Variants in DOK6 observed in about 807,000 individuals in gnomAD.
The protein encoded by DOK6 is downstream of tyrosine kinase 6.
In DOK6, 22 loss-of-function variants were observed where a neutral mutation model predicts 44.0. The observed-to-expected ratio is 0.50, with a 90% CI of 0.36 to 0.71. DOK6 has a LOEUF of 0.71. Among genes scored for constraint, DOK6 ranks in the 30% least tolerant of loss-of-function variants. The pLI is 0.00. For missense variants in DOK6, 340 were observed against 416.4 expected (o/e 0.82, Z 1.60); for synonymous variants, 166 against 145.5 (o/e 1.14, Z -1.01).
chr18:69,417,144 A>G (rs76730321), intron 1 of DOK6, among the ~76,000 whole-genome samples: 2,504 of 152,144 alleles, frequency 0.016, 65 homozygotes, highest in African/African-American at 0.057. Flanking sequence ...TACTATAGTC[A>G]CCCTATTGAA....
At chr18:69,729,695 C>G (rs994383252) in intron 5 of DOK6, among the ~76,000 whole-genome samples, 2 of 152,104 alleles carry the variant, frequency 1.3e-5, no homozygotes, top group African/African-American at 4.8e-5. Context: ...AAAAATACAC[C>G]CGCCAAGGGA....
intron 1 of DOK6, among the ~76,000 whole-genome samples, chr18:69,455,878 C>G (rs1979621092): frequency 6.6e-6 from 1 of 152,078 alleles, no homozygotes; most frequent in Non-Finnish European, 1.5e-5. Context: ...CAAATAATGA[C>G]AACATTAATC....
At chr18:69,555,227 T>C (rs1040776362) in intron 1 of DOK6, among the ~76,000 whole-genome samples, 1 of 152,218 alleles carries the variant, frequency 6.6e-6, no homozygotes, top group Non-Finnish European at 1.5e-5. Flanking sequence ...CAAAAAGCTT[T>C]AATTACTGGA....
At chr18:69,813,010 A>C (rs1981288385) in intron 7 of DOK6, among the ~76,000 whole-genome samples, 1 of 152,158 alleles carries the variant, frequency 6.6e-6, no homozygotes, top group African/African-American at 2.4e-5. Context: ...CACATAAAAA[A>C]ATAAATTGCA....
In DOK6 at chr18:69,433,296, T is replaced by A. The variant is rs558616899; in HGVS notation, c.66+31986T>A. ...AGCAAGTTTCAATTTTCTTCCTGAA[T>A]TTTTTTTCTGAGAACCAATGTAATA... On this transcript the variant is annotated intron_variant, in intron 1 of 7. Coordinates refer to ENST00000382713, the MANE Select transcript of DOK6 (RefSeq NM_152721.6). Among the ~76,000 whole-genome samples the A allele has an allele frequency of 1.1e-3, 172 of 152,218 alleles. 1 individual carries two copies. Among genetic ancestry groups the A allele is most frequent in the Admixed American group, 2.9e-3 (45 of 15,296 alleles).
intron 7 of DOK6, among the ~76,000 whole-genome samples, chr18:69,824,858 T>C (rs35124952): frequency 0.26 from 39,712 of 151,830 alleles, 5,168 homozygotes; most frequent in Non-Finnish European, 0.27. Flanking sequence ...CTGAGAGGAG[T>C]CATATCCAGG....
intron 7 of DOK6, among the ~76,000 whole-genome samples, chr18:69,792,535 G>A (rs1441646760): frequency 1.3e-5 from 2 of 151,804 alleles, no homozygotes; most frequent in African/African-American, 4.8e-5. Flanking sequence ...TGTTGATTTT[G>A]TATCCTGCAA....
chr18:69,699,481 C>A (rs11662685), intron 5 of DOK6, among the ~76,000 whole-genome samples: 67,749 of 151,242 alleles, frequency 0.45, 15,571 homozygotes, highest in East Asian at 0.73. Flanking sequence ...AGGGAAAAAA[C>A]AAACAAAAAA....
chr18:69,730,241 C>T (rs1307304202), intron 5 of DOK6, among the ~76,000 whole-genome samples: 2 of 152,208 alleles, frequency 1.3e-5, no homozygotes, highest in Non-Finnish European at 2.9e-5. Context: ...GACTGAGTTG[C>T]CAGCCTCTAT....
intron 5 of DOK6, among the ~76,000 whole-genome samples, chr18:69,703,770 T>A (rs1986572880): frequency 6.6e-6 from 1 of 152,192 alleles, no homozygotes; most frequent in Non-Finnish European, 1.5e-5. Context: ...TGGACTCAAT[T>A]GTTTCTCCCC....
intron 7 of DOK6, among the ~76,000 whole-genome samples, chr18:69,792,104 G>A (rs936456321): frequency 3.3e-5 from 5 of 151,960 alleles, no homozygotes; most frequent in African/African-American, 1.2e-4. Flanking sequence ...CTCTCCCATT[G>A]GTCTATGTGT....
At chr18:69,773,268 T>C (rs1331671912) in intron 7 of DOK6, among the ~76,000 whole-genome samples, 1 of 151,974 alleles carries the variant, frequency 6.6e-6, no homozygotes, top group Non-Finnish European at 1.5e-5. Context: ...ACAGCTGCCA[T>C]GGAAAACAGT....
At chr18:69,739,882 C>A (rs1290315669) in intron 6 of DOK6, among the ~76,000 whole-genome samples, 1 of 152,096 alleles carries the variant, frequency 6.6e-6, no homozygotes, top group East Asian at 1.9e-4. Flanking sequence ...TGTGAAACAT[C>A]AGTAAGTCTA....
chr18:69,482,755 A>G (rs1348314719), intron 1 of DOK6, among the ~76,000 whole-genome samples: 1 of 151,940 alleles, frequency 6.6e-6, no homozygotes, highest in Non-Finnish European at 1.5e-5. Context: ...AAATTATTCT[A>G]TAAAATAAGA....
intron 1 of DOK6, among the ~76,000 whole-genome samples, chr18:69,478,325 C>T (rs60389289): frequency 0.065 from 9,913 of 152,138 alleles, 1,008 homozygotes; most frequent in African/African-American, 0.22. Context: ...TTTTCTTGTA[C>T]GTTGAACATA....
intron 3 of DOK6, among the ~76,000 whole-genome samples, chr18:69,648,906 A>G (rs1183820545): frequency 6.6e-6 from 1 of 152,220 alleles, no homozygotes; most frequent in African/African-American, 2.4e-5. Context: ...ACATCTATAA[A>G]TTAAGAGCAA....
At chr18:69,648,222 A>T (rs1985134503) in intron 3 of DOK6, among the ~76,000 whole-genome samples, 1 of 152,200 alleles carries the variant, frequency 6.6e-6, no homozygotes, top group African/African-American at 2.4e-5. Context: ...TGTTGAAGAA[A>T]ATATTAAAAA....
At chr18:69,726,139 C>T (rs1242630158) in intron 5 of DOK6, among the ~76,000 whole-genome samples, 1 of 152,174 alleles carries the variant, frequency 6.6e-6, no homozygotes, top group African/African-American at 2.4e-5. Context: ...GAGGATGAGA[C>T]TTTGAAAATC....
At chr18:69,669,316 C>T (rs1050774981) in intron 3 of DOK6, among the ~76,000 whole-genome samples, 4 of 152,162 alleles carry the variant, frequency 2.6e-5, no homozygotes, top group African/African-American at 4.8e-5. Flanking sequence ...ATGTGTACTT[C>T]GTGTTTAGCT....
Sources: allele counts gnomAD v4.1 joint callset (sites outside exome capture counted in the v4.1 genomes callset), GRCh38; gene constraint gnomAD v4.1.1; transcripts MANE v1.5; gene names NCBI Gene and HGNC (gene_info 2026-07-23, HGNC 2026-07-21).